The following BCAR3 variants were observed in gnomAD, a reference collection of about 807,000 sequenced individuals.
BCAR3 encodes the protein breast cancer anti-estrogen resistance protein 3.
A neutral mutation model predicts 80.1 loss-of-function variants in BCAR3; 37 were observed. The ratio of observed to expected loss-of-function variants is 0.46; its 90% CI spans 0.36 to 0.61. The LOEUF (loss-of-function observed/expected upper bound fraction) is 0.61. Ranked by LOEUF, BCAR3 falls within the 20% of genes least tolerant of loss-of-function variation. The pLI is 0.00. For synonymous variants in BCAR3, 389 were observed against 418.9 expected, an observed-to-expected ratio of 0.93 and a Z score of 0.87; for missense variants, 978 against 1,068.2, an observed-to-expected ratio of 0.92 and a Z score of 1.18.
chr1:93,692,202 T>C (rs1649217295), intron 3 of BCAR3, among the ~76,000 whole-genome samples: 2 of 152,298 alleles, frequency 1.3e-5, no homozygotes, highest in East Asian at 1.9e-4. Flanking sequence ...GCTGGAGGGC[T>C]GCAAGAGGCT....
intron 2 of BCAR3, among the ~76,000 whole-genome samples, chr1:93,831,782 C>T (rs1571157760): frequency 6.6e-6 from 1 of 152,118 alleles, no homozygotes; most frequent in Admixed American, 6.5e-5. Context: ...TTTATCATCC[C>T]CTCCTCACAT....
intron 2 of BCAR3, among the ~76,000 whole-genome samples, chr1:93,834,567 G>A (rs540049041): frequency 1.2e-4 from 19 of 152,310 alleles, no homozygotes; most frequent in Non-Finnish European, 8.8e-5. Flanking sequence ...CCAGGACTGC[G>A]CTCTGTAGCC....
chr1:93,696,504 G>T (rs961548517), intron 3 of BCAR3, among the ~76,000 whole-genome samples: 1 of 151,884 alleles, frequency 6.6e-6, no homozygotes, highest in Non-Finnish European at 1.5e-5. Context: ...CACCACTCTG[G>T]CCCAGGGTCC....
chr1:93,788,462 A>C, intron 2 of BCAR3, among the ~76,000 whole-genome samples: 1 of 152,268 alleles, frequency 6.6e-6, no homozygotes, highest in East Asian at 1.9e-4. Flanking sequence ...TTTTGTTCCA[A>C]GACTTAGAAC....
intron 2 of BCAR3, among the ~76,000 whole-genome samples, chr1:93,715,138 C>T (rs1430868638): frequency 1.3e-5 from 2 of 152,196 alleles, no homozygotes; most frequent in African/African-American, 4.8e-5. Context: ...AAATTACAAA[C>T]CAGGAACACC....
chr1:93,618,582 A>G (rs1016555121), intron 3 of BCAR3, among the ~76,000 whole-genome samples: 2 of 152,230 alleles, frequency 1.3e-5, no homozygotes, highest in Non-Finnish European at 2.9e-5. Flanking sequence ...GCTATCACAC[A>G]CAATTCTGCC....
chr1:93,742,872 T>C (rs947958727), intron 2 of BCAR3, among the ~76,000 whole-genome samples: 49 of 152,226 alleles, frequency 3.2e-4, no homozygotes, highest in African/African-American at 1.2e-3. Context: ...GAAATCCTCT[T>C]GCCAAAATGT....
intron 3 of BCAR3, among the ~76,000 whole-genome samples, chr1:93,599,913 A>G (rs1406772514): frequency 6.6e-6 from 1 of 152,094 alleles, no homozygotes; most frequent in African/African-American, 2.4e-5. Flanking sequence ...CACTGTTTAG[A>G]TTACTGTTCT....
At chr1:93,583,937 A>T in intron 6 of BCAR3, 81 bp downstream of exon 6, 1 of 1,375,268 alleles carries the variant, frequency 7.3e-7, no homozygotes, top group Non-Finnish European at 1.0e-6. Context: ...TTCGAATGAG[A>T]CAACTAGATG....
chr1:93,589,521 A>G (rs145957056), intron 4 of BCAR3, 102 bp from the exon 5 acceptor site: 1 of 971,182 alleles, frequency 1.0e-6, no homozygotes, highest in Non-Finnish European at 1.5e-6. Flanking sequence ...AGACAATGCT[A>G]CTATGTCTCT....
chr1:93,733,758 G>A (rs1650881532), intron 2 of BCAR3, among the ~76,000 whole-genome samples: 1 of 152,228 alleles, frequency 6.6e-6, no homozygotes, highest in Non-Finnish European at 1.5e-5. Flanking sequence ...TTGTGTGTGT[G>A]TGCATGCATC....
intron 2 of BCAR3, among the ~76,000 whole-genome samples, chr1:93,752,487 C>T (rs991950848): frequency 2.0e-5 from 3 of 152,208 alleles, no homozygotes; most frequent in Non-Finnish European, 4.4e-5. Context: ...TTCAGTTGTG[C>T]CATCACATGT....
intron 2 of BCAR3, among the ~76,000 whole-genome samples, chr1:93,750,386 G>C (rs1336169805): frequency 6.6e-6 from 1 of 152,188 alleles, no homozygotes; most frequent in African/African-American, 2.4e-5. Flanking sequence ...ACCACTCAAA[G>C]GCACTGTGAG....
At chr1:93,689,285 G>C (rs539211807) in intron 3 of BCAR3, among the ~76,000 whole-genome samples, 1 of 152,056 alleles carries the variant, frequency 6.6e-6, no homozygotes, top group Non-Finnish European at 1.5e-5. Context: ...TCAGAGGTTC[G>C]AGACCAGCCT....
At chr1:93,739,673 T>C (rs1651111760) in intron 2 of BCAR3, among the ~76,000 whole-genome samples, 1 of 152,156 alleles carries the variant, frequency 6.6e-6, no homozygotes, top group Non-Finnish European at 1.5e-5. Flanking sequence ...CACTGAGCCC[T>C]ACCAATTACG....
At chr1:93,618,142 T>C (rs1570974460) in intron 3 of BCAR3, among the ~76,000 whole-genome samples, 2 of 152,346 alleles carry the variant, frequency 1.3e-5, no homozygotes, top group East Asian at 1.9e-4. Context: ...CATTTCCCTA[T>C]ATGCAAATCT....
At position 93,582,838 on chromosome 1, in the gene BCAR3, G is replaced by A; in HGVS notation, c.1149C>T (p.Ser383=). 6.2e-7 allele frequency: 1 copy of A among 1,613,424 alleles called. No individual in the cohort carries two copies. The highest frequency in any genetic ancestry group is 8.5e-7 in the Non-Finnish European group (1 of 1,179,918). ...GCGCCTCCCCAGCCCTGGCGTCTGA[G>A]GAGACCCTCCGAACCACTGCTGGGC... The part of the protein sequence containing the change: ...ALSPAVVRRV[S]SDARAGEALR... Residue 383 remains serine (S), a synonymous_variant, in exon 7 of 12, where the codon TCC becomes TCT. Transcript: ENST00000260502.
intron 2 of BCAR3, among the ~76,000 whole-genome samples, chr1:93,789,097 G>A (rs957910698): frequency 6.6e-6 from 1 of 152,036 alleles, no homozygotes; most frequent in African/African-American, 2.4e-5. Flanking sequence ...CTGGGCTCAA[G>A]CAATTCTCCT....
chr1:93,797,639 C>T (rs940117271), intron 2 of BCAR3, among the ~76,000 whole-genome samples: 3 of 151,872 alleles, frequency 2.0e-5, no homozygotes, highest in African/African-American at 4.8e-5. Flanking sequence ...GAAAAGCTTT[C>T]GATAATTTTC....
Sources: gnomAD v4.1 joint callset for allele counts (sites outside exome capture counted in the v4.1 genomes callset) on GRCh38, gnomAD v4.1.1 for gene constraint, MANE v1.5 for transcripts, NCBI Gene and HGNC (gene_info 2026-07-23, HGNC 2026-07-21) for gene names.